RBFOX3: variants seen among roughly 807,000 people sequenced by gnomAD.
RBFOX3 encodes the protein RNA binding fox-1 homolog 3, also known as RNA binding protein fox-1 homolog 3.
Under a neutral mutation model 48.7 loss-of-function variants are expected in RBFOX3, and 17 were observed. The observed-to-expected ratio is 0.35, with a 90% CI of 0.24 to 0.52. The LOEUF is 0.52. Ranked by LOEUF, RBFOX3 falls within the 20% of genes least tolerant of loss-of-function variation. The pLI, the probability that RBFOX3 is intolerant of heterozygous loss-of-function variation, is 0.94. For missense variants in RBFOX3, 382 were observed against 497.5 expected (o/e 0.77, Z 2.21); for synonymous variants, 212 against 209.5 (o/e 1.01, Z -0.10).
intron 2 of RBFOX3, among the ~76,000 whole-genome samples, chr17:79,342,887 A>T (rs1025481227): frequency 3.9e-5 from 6 of 152,196 alleles, no homozygotes; most frequent in Non-Finnish European, 8.8e-5. Flanking sequence ...TCATGCACTT[A>T]AAATGTGGAT....
At chr17:79,123,365 T>A (rs1423735138) in intron 4 of RBFOX3, among the ~76,000 whole-genome samples, 1 of 152,056 alleles carries the variant, frequency 6.6e-6, no homozygotes, top group East Asian at 1.9e-4. Context: ...CAATTAAAAG[T>A]AAGAAAAACG....
chr17:79,551,180 G>A (rs1199581165), intron 1 of RBFOX3, among the ~76,000 whole-genome samples: 2 of 152,134 alleles, frequency 1.3e-5, no homozygotes, highest in Non-Finnish European at 1.5e-5. Context: ...GCTATGCAAG[G>A]CCAGTTAGAA....
intron 1 of RBFOX3, chr17:79,602,152 C>T (rs923436645): frequency 6.6e-6 from 1 of 152,226 alleles, no homozygotes; most frequent in Admixed American, 6.5e-5. Context: ...GACAACGTCA[C>T]AAGGCTTTAA....
At chr17:79,641,200 A>T in the RBFOX3 span, among the ~76,000 whole-genome samples, 2 of 152,260 alleles carry the variant, frequency 1.3e-5, no homozygotes, top group African/African-American at 4.8e-5. Flanking sequence ...GTATATGAAA[A>T]GGTGGTCATT....
chr17:79,260,578 C>G (rs2065595228), intron 3 of RBFOX3, among the ~76,000 whole-genome samples: 1 of 152,190 alleles, frequency 6.6e-6, no homozygotes, highest in African/African-American at 2.4e-5. Context: ...GCCCCTAACT[C>G]TGAGGGCAGC....
chr17:79,405,589 C>T (rs894603754), intron 2 of RBFOX3, among the ~76,000 whole-genome samples: 4 of 152,118 alleles, frequency 2.6e-5, no homozygotes, highest in African/African-American at 9.7e-5. Context: ...GGTGTGGTGG[C>T]ACGCCCCTGT....
chr17:79,615,659 C>T (rs1042394912), upstream of RBFOX3, among the ~76,000 whole-genome samples: 4 of 152,208 alleles, frequency 2.6e-5, no homozygotes, highest in Admixed American at 6.5e-5. Context: ...TTCCTTTCCA[C>T]GCACTGCCAC....
At chr17:79,591,778 T>G (rs2093422972) in intron 1 of RBFOX3, among the ~76,000 whole-genome samples, 1 of 151,740 alleles carries the variant, frequency 6.6e-6, no homozygotes, top group Non-Finnish European at 1.5e-5. Flanking sequence ...GAGGATGGAA[T>G]AAAAGCTATG....
intron 2 of RBFOX3, among the ~76,000 whole-genome samples, chr17:79,410,832 G>GA (rs2064210972): frequency 6.6e-6 from 1 of 152,104 alleles, no homozygotes; most frequent in African/African-American, 2.4e-5. Flanking sequence ...TGCTCCGCTT[G>GA]ACTGCCGGCC....
intron 2 of RBFOX3, among the ~76,000 whole-genome samples, chr17:79,407,169 G>A (rs564124210): frequency 1.2e-4 from 18 of 152,276 alleles, no homozygotes; most frequent in Middle Eastern, 3.4e-3. Context: ...CGCCATGCCC[G>A]GCAATTTTTT....
At chr17:79,626,908 C>T in the RBFOX3 span, among the ~76,000 whole-genome samples, 18 of 152,248 alleles carry the variant, frequency 1.2e-4, no homozygotes, top group Admixed American at 2.0e-4. Context: ...CCCATGGAAG[C>T]CTGGAGCCTC....
intron 4 of RBFOX3, among the ~76,000 whole-genome samples, chr17:79,148,505 C>T (rs374325844): frequency 2.6e-5 from 4 of 152,176 alleles, no homozygotes; most frequent in African/African-American, 7.2e-5. Flanking sequence ...CACACCCCCC[C>T]AGACCATGGT....
rs966547058 is a variant in RBFOX3 at position 79,479,258 on chromosome 17, T to A, written c.-175+3196A>T. Among the ~76,000 whole-genome samples the A allele has an allele frequency of 2.0e-4, 30 of 152,150 alleles. No individual in the cohort carries two copies. The highest frequency in any genetic ancestry group is 6.5e-4 in the African/African-American group (27 of 41,436). On this transcript the variant is annotated intron_variant, in intron 2 of 14. Transcript: ENST00000693108. The surrounding 1 kb of genome is among the most constrained non-coding windows in gnomAD (Gnocchi z 5.1). The stretch of plus-strand genomic sequence containing the variant: ...TTGGCGGCCCCTTCTCTGAAGCCCA[T>A]GTCCAGGCTGCAGGGAGAACCCAGG...
rs1157002278 is a variant in RBFOX3, at chr17:79,391,327, A to T, written c.-174-83503T>A. ...CAATGACCAGCTGTCTCAGGGGGAG[A>T]AAAAGGGAGGATTTAAACCCAGCAC... On this transcript the variant is annotated intron_variant, in intron 2 of 14. Coordinates refer to ENST00000693108, the MANE Select transcript of RBFOX3 (RefSeq NM_001350451.2). The surrounding 1 kb of genome is among the most constrained non-coding windows in gnomAD (Gnocchi z 5.0). 6.6e-6 allele frequency among the ~76,000 whole-genome samples: 1 copy of T among 152,046 alleles called. No homozygotes were observed. The highest frequency in any genetic ancestry group is 1.5e-5 in the Non-Finnish European group (1 of 68,028).
intron 4 of RBFOX3, among the ~76,000 whole-genome samples, chr17:79,130,796 G>A (rs146370033): frequency 5.3e-5 from 8 of 152,370 alleles, no homozygotes; most frequent in South Asian, 2.1e-4. Flanking sequence ...GGCTTGGTGC[G>A]GGATGGGGCC....
intron 2 of RBFOX3, among the ~76,000 whole-genome samples, chr17:79,380,900 A>G (rs2059826125): frequency 2.6e-5 from 4 of 152,192 alleles, no homozygotes; most frequent in Non-Finnish European, 5.9e-5. Context: ...CCCCAAGACC[A>G]GCTCTGTCCC....
At chr17:79,485,507 C>T (rs1432667597) in intron 1 of RBFOX3, among the ~76,000 whole-genome samples, 4 of 149,622 alleles carry the variant, frequency 2.7e-5, no homozygotes, top group East Asian at 4.0e-4. Flanking sequence ...AAACCCAGGC[C>T]GCCTTCTCTA....
At chr17:79,386,051 G>A (rs2060517475) in intron 2 of RBFOX3, among the ~76,000 whole-genome samples, 1 of 149,394 alleles carries the variant, frequency 6.7e-6, no homozygotes, top group Admixed American at 6.7e-5. Flanking sequence ...TCCCATTACA[G>A]AAAGAGGCTC....
intron 1 of RBFOX3, among the ~76,000 whole-genome samples, chr17:79,597,580 G>C (rs1245286404): frequency 6.6e-6 from 1 of 152,212 alleles, no homozygotes; most frequent in African/African-American, 2.4e-5. Flanking sequence ...GAGAGGTTGA[G>C]ACCACCTTGG....
Sources: gnomAD v4.1 joint callset for allele counts (sites outside exome capture counted in the v4.1 genomes callset) on GRCh38, gnomAD v4.1.1 for gene constraint, Gnocchi (gnomAD v3.1) non-coding constraint, MANE v1.5 for transcripts, NCBI Gene and HGNC (gene_info 2026-07-23, HGNC 2026-07-21) for gene names.